PSD3: variants seen among roughly 807,000 people sequenced by gnomAD.
PSD3 encodes the protein PH and SEC7 domain-containing protein 3.
In PSD3, 49 loss-of-function variants were observed where a neutral mutation model predicts 105.5. That is an observed-to-expected ratio of 0.46 (90% CI 0.37 to 0.59). The LOEUF is 0.59. Ranked by LOEUF, PSD3 falls within the 20% of genes least tolerant of loss-of-function variation. PSD3 has a pLI of 0.00. For synonymous variants in PSD3, 557 were observed against 457.8 expected (o/e 1.22, Z -2.77); for missense variants, 1,561 against 1,263.8 (o/e 1.24, Z -3.57).
intron 10 of PSD3, among the ~76,000 whole-genome samples, chr8:18,640,324 C>A (rs1447994185): frequency 1.3e-5 from 2 of 152,118 alleles, no homozygotes; most frequent in East Asian, 3.9e-4. Context: ...CCCTCCACAA[C>A]AACAAAACTG....
chr8:18,613,064 G>T (rs13259187), intron 11 of PSD3, among the ~76,000 whole-genome samples: 1 of 151,920 alleles, frequency 6.6e-6, no homozygotes, highest in Non-Finnish European at 1.5e-5. Flanking sequence ...CCGGAAACGT[G>T]TGTGGGAAGC....
chr8:18,643,350 C>G (rs1807790588), intron 10 of PSD3, among the ~76,000 whole-genome samples: 1 of 152,208 alleles, frequency 6.6e-6, no homozygotes, highest in Non-Finnish European at 1.5e-5. Context: ...CCATAGTATT[C>G]TGTCTGTGGC....
rs992485147 is a variant in PSD3 at position 18,660,278 on chromosome 8, G to A, written c.2173-4593C>T. On this transcript the variant is annotated intron_variant, in intron 9 of 15. Transcript: ENST00000327040. ...CACACGTAAGTCAAAGAATGCTGGC[G>A]ACCACCAGAGGTTAGAAGAGGCGAG... is the stretch of plus-strand genomic sequence containing the variant. Among the ~76,000 whole-genome samples the A allele has an allele frequency of 2.0e-5, 3 of 151,886 alleles. No individual in the cohort carries two copies. In the South Asian group the frequency reaches 6.3e-4, roughly 32 times the overall value.
intron 2 of PSD3, among the ~76,000 whole-genome samples, chr8:18,917,103 A>G (rs375883352): frequency 9.9e-5 from 15 of 152,116 alleles, no homozygotes; most frequent in Admixed American, 7.2e-4. Flanking sequence ...CCCAAAGCAG[A>G]AACTACCCTC....
intron 15 of PSD3, among the ~76,000 whole-genome samples, chr8:18,539,266 A>G (rs1193728932): frequency 6.6e-6 from 1 of 152,202 alleles, no homozygotes; most frequent in Admixed American, 6.5e-5. Context: ...CAGAATAAAG[A>G]AAAATAACTC....
At chr8:18,566,535 A>G (rs376345952) in intron 14 of PSD3, among the ~76,000 whole-genome samples, 3,481 of 151,840 alleles carry the variant, frequency 0.023, 108 homozygotes, top group South Asian at 0.16. Flanking sequence ...CAAAAAAAAA[A>G]AAAAAAAAAA....
intron 14 of PSD3, among the ~76,000 whole-genome samples, chr8:18,557,011 G>C (rs900794980): frequency 2.6e-5 from 4 of 152,108 alleles, no homozygotes; most frequent in African/African-American, 9.7e-5. Flanking sequence ...CATTATTATA[G>C]GTACCGTGTA....
chr8:18,822,483 G>A (rs1372704554), intron 4 of PSD3, among the ~76,000 whole-genome samples: 1 of 152,142 alleles, frequency 6.6e-6, no homozygotes, highest in South Asian at 2.1e-4. Context: ...TCCACCTGGT[G>A]CGAGAATAAA....
intron 4 of PSD3, among the ~76,000 whole-genome samples, chr8:18,823,483 A>G (rs1204894716): frequency 1.3e-5 from 2 of 152,126 alleles, no homozygotes; most frequent in East Asian, 3.9e-4. Flanking sequence ...AGAGGTATGA[A>G]AAGTCCTGCC....
At chr8:19,030,470 G>A (rs1303746927) in intron 1 of PSD3, among the ~76,000 whole-genome samples, 1 of 152,076 alleles carries the variant, frequency 6.6e-6, no homozygotes, top group African/African-American at 2.4e-5. Flanking sequence ...CCATGGCTTG[G>A]TGTTGTCTTT....
Position 18,923,450 on chromosome 8 carries a change from A to G in PSD3, c.130+12584T>C, listed in dbSNP as rs187537988. The stretch of plus-strand genomic sequence containing the variant: ...CTCAGAGGGAAGACCAAATATAGTC[A>G]TGTGCCACATAATGACATCTGGCTC... On this transcript the variant is annotated intron_variant, in intron 2 of 15. Coordinates refer to ENST00000327040, the MANE Select transcript of PSD3 (RefSeq NM_015310.4). Among the ~76,000 whole-genome samples, 210 of 152,358 alleles carry G rather than the reference A, an allele frequency of 1.4e-3. 1 individual carries two copies. The highest frequency in any genetic ancestry group is 1.7e-3 in the Non-Finnish European group (116 of 68,028).
chr8:18,969,552 A>G (rs1824505187), intron 1 of PSD3, among the ~76,000 whole-genome samples: 1 of 152,250 alleles, frequency 6.6e-6, no homozygotes, highest in South Asian at 2.1e-4. Flanking sequence ...CCATTTCTAA[A>G]GAGAGGTCAT....
intron 9 of PSD3, among the ~76,000 whole-genome samples, chr8:18,688,547 G>A (rs1178154337): frequency 6.6e-6 from 1 of 152,200 alleles, no homozygotes; most frequent in Non-Finnish European, 1.5e-5. Context: ...CATTTAGTCT[G>A]CAATCTTTTG....
intron 2 of PSD3, among the ~76,000 whole-genome samples, chr8:18,878,555 C>G (rs1817884402): frequency 6.6e-6 from 1 of 152,182 alleles, no homozygotes; most frequent in Admixed American, 6.5e-5. Flanking sequence ...TACATACATT[C>G]TGAATGCATA....
At chr8:18,641,178 G>A (rs866565774) in intron 10 of PSD3, among the ~76,000 whole-genome samples, 5 of 152,142 alleles carry the variant, frequency 3.3e-5, no homozygotes, top group African/African-American at 4.8e-5. Flanking sequence ...ACCTTGTACT[G>A]GCAATCATTA....
chr8:19,076,339 C>A (rs567572615), intron 1 of PSD3, among the ~76,000 whole-genome samples: 7 of 152,104 alleles, frequency 4.6e-5, no homozygotes, highest in Admixed American at 3.9e-4. Context: ...AGTTTCCTGG[C>A]CTGTAGTGGA....
intron 9 of PSD3, among the ~76,000 whole-genome samples, chr8:18,685,337 G>A (rs765591488): frequency 1.3e-5 from 2 of 152,032 alleles, no homozygotes; most frequent in Non-Finnish European, 2.9e-5. Flanking sequence ...ACTGTCAACA[G>A]GCCCAGCAGA....
chr8:18,741,600 T>C (rs1376290679), intron 9 of PSD3, among the ~76,000 whole-genome samples: 5 of 152,226 alleles, frequency 3.3e-5, no homozygotes, highest in Non-Finnish European at 5.9e-5. Flanking sequence ...CTATAGACTC[T>C]ACTCTTGTAC....
intron 9 of PSD3, among the ~76,000 whole-genome samples, chr8:18,702,889 G>A (rs1375776275): frequency 6.6e-6 from 1 of 152,118 alleles, no homozygotes; most frequent in African/African-American, 2.4e-5. Flanking sequence ...TGGGATTACA[G>A]GTGTGAGCCA....
Sources: gnomAD v4.1 joint callset for allele counts (sites outside exome capture counted in the v4.1 genomes callset) on GRCh38, gnomAD v4.1.1 for gene constraint, MANE v1.5 for transcripts, NCBI Gene and HGNC (gene_info 2026-07-23, HGNC 2026-07-21) for gene names.